Variants in TMEM39A observed in about 807,000 individuals in gnomAD.
TMEM39A encodes the protein transmembrane protein 39A.
A neutral mutation model predicts 51.9 loss-of-function variants in TMEM39A; 19 were observed. The ratio of observed to expected loss-of-function variants is 0.37; its 90% CI spans 0.26 to 0.54. The LOEUF is 0.54. TMEM39A is among the 20% of genes least tolerant of loss of function. The probability of loss-of-function intolerance (pLI) is 0.88; values close to 1 mark genes in which losing one functional copy is unlikely to be tolerated. For synonymous variants in TMEM39A, 197 were observed against 220.2 expected (o/e 0.89, Z 0.93); for missense variants, 433 against 590.5 (o/e 0.73, Z 2.76).
In TMEM39A at chr3:119,446,909, C is replaced by T. The variant is rs112881183; in HGVS notation, c.575+109G>A. 1.2e-5 allele frequency: 15 copies of T among 1,254,656 alleles called. No individual in the cohort carries two copies. In the South Asian group the frequency reaches 1.4e-4, roughly 12 times the overall value. 77.7% of individuals were successfully genotyped at this position (1,254,656 alleles called of 1,614,324 possible). On this transcript the variant is annotated intron_variant, in intron 5 of 8. Transcript: ENST00000319172. ...CATGGATTTCCCAGTTTTCTAAATGCTTCATTTATATTTGAAGAATTTCAT... is the reference window on the plus strand; with the variant it reads ...CATGGATTTCCCAGTTTTCTAAATGTTTCATTTATATTTGAAGAATTTCAT...
In TMEM39A at chr3:119,428,993, C is replaced by T. The variant is rs2080867690; in HGVS notation, c.*2988G>A. Among the ~76,000 whole-genome samples the T allele has an allele frequency of 6.6e-6, 1 of 152,110 alleles. No individual in the cohort carries two copies. Among genetic ancestry groups the T allele is most frequent in the Admixed American group, 6.6e-5 (1 of 15,252 alleles). Reference sequence around the variant, plus strand: ...AAAGAGCACTTTATTGGGCTTCACACTCAAGATTGTTAATAGATCTGATAT... The same window carrying T: ...AAAGAGCACTTTATTGGGCTTCACATTCAAGATTGTTAATAGATCTGATAT... On this transcript the variant is annotated 3_prime_UTR_variant, in exon 9 of 9. Transcript: ENST00000319172.
At chr3:119,434,617 G>A (rs994405478) in intron 8 of TMEM39A, 145 bp downstream of exon 8, 1 of 1,215,852 alleles carries the variant, frequency 8.2e-7, no homozygotes, top group African/African-American at 1.5e-5. Context: ...CCAAAGTACA[G>A]GGACCACTGT....
rs924876344 is a variant in TMEM39A at position 119,437,038 on chromosome 3, G to C, written c.925-60C>G. On this transcript the variant is annotated intron_variant, in intron 6 of 8. Coordinates refer to ENST00000319172, the MANE Select transcript of TMEM39A (RefSeq NM_018266.3). Reference sequence around the variant, plus strand: ...GCACTGGTAAAAAGAGGCAGGGATGGGTTGGTGTACATATGCCCTGCAGAC... The same window carrying C: ...GCACTGGTAAAAAGAGGCAGGGATGCGTTGGTGTACATATGCCCTGCAGAC... 7.9e-6 allele frequency: 12 copies of C among 1,518,514 alleles called. No individual in the cohort carries two copies. In the African/African-American group the frequency reaches 1.5e-4, roughly 19 times the overall value. 94.1% of individuals were successfully genotyped at this position (1,518,514 alleles called of 1,614,324 possible).
intron 2 of TMEM39A, among the ~76,000 whole-genome samples, chr3:119,460,660 T>C (rs1193452301): frequency 6.6e-6 from 1 of 152,114 alleles, no homozygotes; most frequent in African/African-American, 2.4e-5. Context: ...AACATTTTTA[T>C]CTAGAGAACA....
intron 5 of TMEM39A, among the ~76,000 whole-genome samples, chr3:119,444,511 C>G (rs2081097308): frequency 6.6e-6 from 1 of 152,158 alleles, no homozygotes; most frequent in Non-Finnish European, 1.5e-5. Context: ...ATCAGACCTA[C>G]TATAGTATAA....
rs200830652 is a variant in TMEM39A, at chr3:119,436,885, A to T, written c.1018T>A (p.Ser340Thr). The T allele has an allele frequency of 1.9e-5, 30 of 1,613,918 alleles. No homozygotes were observed. The highest frequency in any genetic ancestry group is 3.3e-5 in the Admixed American group (2 of 59,996). Residue 340 changes from serine to threonine, a missense_variant, in exon 7 of 9, where the codon TCC becomes ACC. Physicochemically the swap from Ser to Thr is moderately conservative, Grantham distance 58. Transcript: ENST00000319172. ...FVMLTTQLLP[S>T]KYCDLLHKSA... ...TTATGTAGCAAATCACAGTATTTGG[A>T]TGGCAACAGTTGCGTGGTGAGCATG...
intron 4 of TMEM39A, among the ~76,000 whole-genome samples, chr3:119,448,942 G>T (rs1181790154): frequency 1.3e-5 from 2 of 152,126 alleles, no homozygotes; most frequent in Admixed American, 1.3e-4. Flanking sequence ...AAACCCCTGT[G>T]CTTATGAAGC....
chr3:119,433,870 T>C (rs972351977), intron 8 of TMEM39A, among the ~76,000 whole-genome samples: 3 of 152,192 alleles, frequency 2.0e-5, no homozygotes, highest in African/African-American at 7.2e-5. Flanking sequence ...ATAAGCATCA[T>C]GCCCAGGGGC....
chr3:119,431,636 G>C lies in TMEM39A; in HGVS notation c.*345C>G, dbSNP rs1458699932. ...AAGTACTGGCCAGCTGAGGGCTAAA[G>C]ATAATGAGGATTGAAAGAAAAGCAG... On this transcript the variant is annotated 3_prime_UTR_variant, in exon 9 of 9. Coordinates refer to ENST00000319172, the MANE Select transcript of TMEM39A (RefSeq NM_018266.3). 6.1e-6 allele frequency: 1 copy of C among 164,006 alleles called. No individual in the cohort carries two copies. Among genetic ancestry groups the C allele is most frequent in the East Asian group, 1.8e-4 (1 of 5,688 alleles). The allele number at this position is 164,006 out of a possible 1,614,324, so 10.2% of individuals were successfully genotyped here.
At chr3:119,445,298 G>A (rs921731175) in intron 5 of TMEM39A, among the ~76,000 whole-genome samples, 14 of 152,004 alleles carry the variant, frequency 9.2e-5, no homozygotes, top group African/African-American at 2.2e-4. Context: ...CTTGCTCGTC[G>A]CCCAGTCTGG....
chr3:119,435,258 G>A (rs1196521621), intron 7 of TMEM39A: 1 of 985,258 alleles, frequency 1.0e-6, no homozygotes. Flanking sequence ...CAAACAAGAA[G>A]AGAAAGCTGA....
At chr3:119,455,759 T>C (rs995576413) in intron 3 of TMEM39A, among the ~76,000 whole-genome samples, 2 of 152,188 alleles carry the variant, frequency 1.3e-5, no homozygotes, top group Non-Finnish European at 2.9e-5. Flanking sequence ...ATATGTTAGA[T>C]TGGGCAAAGA....
At chr3:119,438,895 G>A (rs181526560) in intron 5 of TMEM39A, among the ~76,000 whole-genome samples, 42 of 152,120 alleles carry the variant, frequency 2.8e-4, no homozygotes, top group South Asian at 2.3e-3. Flanking sequence ...TAACTTTGGG[G>A]GTAGTTTTGT....
intron 5 of TMEM39A, among the ~76,000 whole-genome samples, chr3:119,442,453 C>T (rs1476603221): frequency 6.6e-6 from 1 of 152,096 alleles, no homozygotes; most frequent in Non-Finnish European, 1.5e-5. Context: ...CATTCTGCAG[C>T]CATGAATCAA....
At chr3:119,461,830 AAG>A (rs1394765856) in intron 2 of TMEM39A, 130 bp downstream of exon 2, 3 of 701,640 alleles carry the variant, frequency 4.3e-6, no homozygotes, top group Non-Finnish European at 6.6e-6. Context: ...TTTTGTCTTG[AAG>A]GGCAGGATTT....
At chr3:119,454,627 T>G (rs1372110687) in intron 3 of TMEM39A, among the ~76,000 whole-genome samples, 7 of 152,080 alleles carry the variant, frequency 4.6e-5, no homozygotes, top group Non-Finnish European at 5.9e-5. Context: ...CTGTCTCTAC[T>G]AAAAATACAA....
chr3:119,444,286 T>G (rs755710201), intron 5 of TMEM39A, among the ~76,000 whole-genome samples: 10 of 152,224 alleles, frequency 6.6e-5, no homozygotes, highest in Non-Finnish European at 1.2e-4. Context: ...ATCTTCTGAT[T>G]CAACCAGTAA....
intron 5 of TMEM39A, among the ~76,000 whole-genome samples, chr3:119,438,455 T>C (rs772772838): frequency 1.3e-5 from 2 of 152,236 alleles, no homozygotes; most frequent in Non-Finnish European, 2.9e-5. Flanking sequence ...TCCTTTTGTG[T>C]TTGGCTTCAT....
At chr3:119,457,283 T>C (rs2081278911) in intron 3 of TMEM39A, among the ~76,000 whole-genome samples, 1 of 152,214 alleles carries the variant, frequency 6.6e-6, no homozygotes, top group Non-Finnish European at 1.5e-5. Context: ...CATGGTACTC[T>C]TAATAAATGG....
Sources: gnomAD v4.1 joint callset for allele counts (sites outside exome capture counted in the v4.1 genomes callset) on GRCh38, gnomAD v4.1.1 for gene constraint, MANE v1.5 for transcripts, NCBI Gene and HGNC (gene_info 2026-07-23, HGNC 2026-07-21) for gene names.